KRT1: variants seen among roughly 807,000 people sequenced by gnomAD.
KRT1 encodes the protein keratin, type II cytoskeletal 1.
KRT1 carries 28 observed loss-of-function variants against 51.6 expected under a neutral mutation model. The ratio of observed to expected loss-of-function variants is 0.54; its 90% confidence interval spans 0.40 to 0.74. The LOEUF is 0.74. Among genes scored for constraint, KRT1 ranks in the 30% least tolerant of loss-of-function variants. The pLI is 0.00. For missense variants in KRT1, 783 were observed against 815.5 expected (o/e 0.96, Z 0.49); for synonymous variants, 301 against 307.7 (o/e 0.98, Z 0.23).
In KRT1 at chr12:52,678,700, C is replaced by T. The variant is rs761294081; in HGVS notation, c.648G>A (p.Gln216=). The change falls in exon 2 of 9, where the codon CAG becomes CAA. Residue 216 remains glutamine (Q), a synonymous_variant. Coordinates refer to ENST00000252244, the MANE Select transcript of KRT1 (RefSeq NM_006121.4). ...QVLQTKWELL[Q]QVDTSTRTHN... is the part of the protein sequence containing the mutation. The stretch of plus-strand genomic sequence containing the variant: ...GGGTTCTAGTGGAGGTATCTACCTG[C>T]TGCAGCAGCTCCCATTTTGTTTGCA... 1 of 1,614,174 alleles carries T rather than the reference C, an allele frequency of 6.2e-7. No homozygotes were observed. The highest frequency in any genetic ancestry group is 1.1e-5 in the South Asian group (1 of 91,074).
Position 52,675,104 on chromosome 12 carries a change from G to A in KRT1, c.*89C>T. 1 of 1,509,610 alleles carries A rather than the reference G, an allele frequency of 6.6e-7. No homozygotes were observed. Among genetic ancestry groups the A allele is most frequent in the Non-Finnish European group, 9.2e-7 (1 of 1,086,340 alleles). 93.5% of individuals were successfully genotyped at this position (1,509,610 alleles called of 1,614,324 possible). On this transcript the variant is annotated 3_prime_UTR_variant, in exon 9 of 9. Coordinates refer to ENST00000252244, the MANE Select transcript of KRT1 (RefSeq NM_006121.4). ...TAACCATAGCTCTTTTCTCCGGTAAGGCTGGGACAAATCGACCTCGGTCTT... is the reference window on the plus strand; with the variant it reads ...TAACCATAGCTCTTTTCTCCGGTAAAGCTGGGACAAATCGACCTCGGTCTT...
At position 52,678,689 on chromosome 12, in the gene KRT1, G is replaced by A. The variant is rs952884616; in HGVS notation, c.659C>T (p.Thr220Ile). The part of the protein sequence containing the change: ...TKWELLQQVD[T>I]STRTHNLEPY... ...CTCTAAATTATGGGTTCTAGTGGAGGTATCTACCTGCTGCAGCAGCTCCCA... is the reference window on the plus strand; with the variant it reads ...CTCTAAATTATGGGTTCTAGTGGAGATATCTACCTGCTGCAGCAGCTCCCA... The change falls in exon 2 of 9, where the codon ACC (threonine) becomes ATC (isoleucine). Residue 220 changes from threonine (T) to isoleucine (I), a missense_variant. Thr to Ile is a moderately conservative substitution (Grantham distance 89). Transcript: ENST00000252244. 1.9e-6 allele frequency: 3 copies of A among 1,614,210 alleles called. No individual in the cohort carries two copies. The highest frequency in any genetic ancestry group is 2.5e-6 in the Non-Finnish European group (3 of 1,180,038).
intron 4 of KRT1, 25 bp from the exon 5 acceptor site, chr12:52,677,505 C>T (rs777466645): frequency 5.0e-6 from 8 of 1,613,798 alleles, no homozygotes; most frequent in Non-Finnish European, 6.8e-6. Context: ...AGGTTAGTGA[C>T]TCTTACAGCA....
chr12:52,676,474 T>G lies in KRT1; in HGVS notation c.1276A>C (p.Ile426Leu). The G allele has an allele frequency of 6.2e-7, 1 of 1,614,226 alleles. No homozygotes were observed. The highest frequency in any genetic ancestry group is 8.5e-7 in the Non-Finnish European group (1 of 1,180,034). Residue 426 changes from isoleucine to leucine, a missense_variant, in exon 7 of 9, where the codon ATC becomes CTC. Transcript: ENST00000252244. ...KKQISNLQQS[I>L]SDAEQRGENA... The stretch of plus-strand genomic sequence containing the variant: ...TCGCCACGCTGCTCTGCATCACTGA[T>G]GGACTGCTGCAAGTTGGAGATCTGA...
chr12:52,676,285 C>A lies in KRT1; in HGVS notation c.1465G>T (p.Glu489Ter), dbSNP rs58773503. The A allele has an allele frequency of 6.2e-7, 1 of 1,613,922 alleles. No individual in the cohort carries two copies. Among genetic ancestry groups the A allele is most frequent in the Non-Finnish European group, 8.5e-7 (1 of 1,179,922 alleles). ...GCGTCCCTTCCTCACCTGCTTTCTTCTCCCTCCAGGAGGGTCCTGTAGGTG... is the reference window on the plus strand; with the variant it reads ...GCGTCCCTTCCTCACCTGCTTTCTTATCCCTCCAGGAGGGTCCTGTAGGTG... Reference protein sequence around the residue: ...IATYRTLLEGEESRMSGECAP... With the variant: ...IATYRTLLEG Residue 489 changes from glutamate to a stop codon, truncating the protein, a stop_gained, in exon 7 of 9, where the codon GAA becomes TAA. Transcript: ENST00000252244. LOFTEE classifies it low-confidence loss of function (END_TRUNC).
chr12:52,676,254 C>G, intron 7 of KRT1, 21 bp downstream of exon 7: 1 of 1,596,054 alleles, frequency 6.3e-7, no homozygotes, highest in Admixed American at 1.7e-5. Context: ...AGAGGTTCGA[C>G]TCCCAGCGTC....
intron 6 of KRT1, 64 bp downstream of exon 6, chr12:52,676,995 C>T (rs916901146): frequency 2.4e-5 from 39 of 1,595,822 alleles, no homozygotes; most frequent in Non-Finnish European, 1.6e-5. Context: ...GGAAAGCACT[C>T]GCCCTTTACC....
In KRT1 at chr12:52,675,694, A is replaced by T; in HGVS notation, c.1510+16T>A. On this transcript the variant is annotated intron_variant, in intron 8 of 8. Transcript: ENST00000252244. ...CAAAGCCTGCACATGCCCCTGAGAAATCGACTTGTACTTACACACACTCAC... is the reference window on the plus strand; with the variant it reads ...CAAAGCCTGCACATGCCCCTGAGAATTCGACTTGTACTTACACACACTCAC... 2 of 1,614,168 alleles carry T rather than the reference A, an allele frequency of 1.2e-6. No homozygotes were observed. Among genetic ancestry groups the T allele is most frequent in the Non-Finnish European group, 1.7e-6 (2 of 1,180,038 alleles).
rs1565646116 is a variant in KRT1 at position 52,675,283 on chromosome 12, G to A, written c.1845C>T (p.Gly615=). The A allele has an allele frequency of 6.2e-7, 1 of 1,613,622 alleles. No homozygotes were observed. Residue 615 remains glycine (G), a synonymous_variant, in exon 9 of 9, where the codon GGC becomes GGT. Transcript: ENST00000252244. ...GGGSSGGSIG[G]RGSSSGGVKS... is the part of the protein sequence containing the mutation. ...TGACACCCCCAGAGCTGGATCCCCG[G>A]CCTCCTATGGAGCCTCCAGAGCTCC...
At chr12:52,677,271 G>C (rs1941521045) in intron 5 of KRT1, 45 bp downstream of exon 5, 1 of 1,614,172 alleles carries the variant, frequency 6.2e-7, no homozygotes, top group Non-Finnish European at 8.5e-7. Context: ...AGGATAGCAA[G>C]ACAAGCCATT....
Position 52,680,134 on chromosome 12 carries a change from C to T in KRT1, c.215G>A (p.Gly72Asp), listed in dbSNP as rs1216084977. The T allele has an allele frequency of 1.3e-6, 2 of 1,581,978 alleles. No homozygotes were observed. ...CACACTTATGGAGATGCTTTTACTG[C>T]CACCAAGGTTAACAAGACTCCGACT... ...FGSRSLVNLG[G>D]SKSISISVAR... The change falls in exon 1 of 9, where the codon GGC (glycine) becomes GAC (aspartate). Residue 72 changes from glycine to aspartate, a missense_variant. Physicochemically the swap from Gly to Asp is moderately conservative, Grantham distance 94. Coordinates refer to ENST00000252244, the MANE Select transcript of KRT1 (RefSeq NM_006121.4).
intron 2 of KRT1, 127 bp downstream of exon 2, chr12:52,678,415 A>G: frequency 9.0e-7 from 1 of 1,112,812 alleles, no homozygotes; most frequent in East Asian, 2.4e-5. Flanking sequence ...ATTTCTGAAA[A>G]TGTCAAACTG....
chr12:52,677,014 A>AC lies in KRT1; in HGVS notation c.1254+44dup, dbSNP rs1941516202. On this transcript the variant is annotated intron_variant, in intron 6 of 8. Transcript: ENST00000252244. ...AGCACTCGCCCTTTACCTGAGGGTT[A>AC]CCCCCATTCCATACAGCTGAGTGGT... 5.6e-6 allele frequency: 9 copies of AC among 1,607,722 alleles called. No individual in the cohort carries two copies. The East Asian group carries it at 2.0e-4, about 36-fold the overall frequency.
rs1941544364 is a variant in KRT1, at chr12:52,678,673, A to G, written c.675T>C (p.His225=). The G allele has an allele frequency of 6.2e-7, 1 of 1,614,198 alleles. No individual in the cohort carries two copies. The highest frequency in any genetic ancestry group is 8.5e-7 in the Non-Finnish European group (1 of 1,180,040). Residue 225 remains histidine (H), a synonymous_variant, in exon 2 of 9, where the codon CAT becomes CAC. Coordinates refer to ENST00000252244, the MANE Select transcript of KRT1 (RefSeq NM_006121.4). The part of the protein sequence containing the change: ...LQQVDTSTRT[H]NLEPYFESFI... ...ATGACTCAAAGTAGGGCTCTAAATT[A>G]TGGGTTCTAGTGGAGGTATCTACCT...
chr12:52,676,518 C>T, intron 6 of KRT1, 23 bp from the exon 7 acceptor site: 2 of 1,612,042 alleles, frequency 1.2e-6, no homozygotes, highest in South Asian at 1.1e-5. Flanking sequence ...ATGACACCCT[C>T]TCATAATATG....
At position 52,677,120 on chromosome 12, in the gene KRT1, A is replaced by G; in HGVS notation, c.1193T>C (p.Ile398Thr). 1.2e-6 allele frequency: 2 copies of G among 1,614,094 alleles called. No homozygotes were observed. Among genetic ancestry groups the G allele is most frequent in the Non-Finnish European group, 1.7e-6 (2 of 1,180,038 alleles). Residue 398 changes from isoleucine to threonine, a missense_variant, in exon 6 of 9, where the codon ATT (isoleucine) becomes ACT (threonine). By Grantham distance (89) the Ile-to-Thr change is moderately conservative (BLOSUM62 -1). Coordinates refer to ENST00000252244, the MANE Select transcript of KRT1 (RefSeq NM_006121.4). ...CTGGATCACACGATTCAGCTCAGAAATTTCTATCTTTGAATTTCTCACACT... is the reference window on the plus strand; with the variant it reads ...CTGGATCACACGATTCAGCTCAGAAGTTTCTATCTTTGAATTTCTCACACT... ...GDSVRNSKIE[I>T]SELNRVIQRL... is the part of the protein sequence containing the mutation.
chr12:52,675,578 C>G lies in KRT1; in HGVS notation c.1550G>C (p.Ser517Thr). The G allele has an allele frequency of 6.2e-7, 1 of 1,614,224 alleles. No homozygotes were observed. Among genetic ancestry groups the G allele is most frequent in the Non-Finnish European group, 8.5e-7 (1 of 1,180,048 alleles). The change falls in exon 9 of 9, where the codon AGC (serine) becomes ACC (threonine). Residue 517 changes from serine (S) to threonine (T), a missense_variant. Coordinates refer to ENST00000252244, the MANE Select transcript of KRT1 (RefSeq NM_006121.4). Reference sequence around the variant, plus strand: ...GTAGCCACCGCCGCCACCTCCTCGGCTGCCACCTCCACTGATGGTGGTGTG... The same window carrying G: ...GTAGCCACCGCCGCCACCTCCTCGGGTGCCACCTCCACTGATGGTGGTGTG... Reference protein sequence around the residue: ...TSHTTISGGGSRGGGGGGYGS... With the variant: ...TSHTTISGGGTRGGGGGGYGS...
Position 52,675,755 on chromosome 12 carries a change from A to AT in KRT1, c.1476-12_1476-11insA. The AT allele has an allele frequency of 6.2e-7, 1 of 1,614,088 alleles. No individual in the cohort carries two copies. Among genetic ancestry groups the AT allele is most frequent in the Non-Finnish European group, 8.5e-7 (1 of 1,180,048 alleles). ...CATTCTCCAGACATCCTGTAGGAGAAAATAAGAAAATTCCTCAGGACACTC... is the reference window on the plus strand; with the variant it reads ...CATTCTCCAGACATCCTGTAGGAGAATAATAAGAAAATTCCTCAGGACACTC... On this transcript the variant is annotated splice_polypyrimidine_tract_variant and intron_variant, in intron 7 of 8. Transcript: ENST00000252244.
At chr12:52,677,249 A>G in intron 5 of KRT1, 65 bp from the exon 6 acceptor site, 3 of 1,614,148 alleles carry the variant, frequency 1.9e-6, no homozygotes, top group South Asian at 1.1e-5. Context: ...GCACACATAC[A>G]TGAGATAACA....
Sources: gnomAD v4.1 joint callset for allele counts on GRCh38, gnomAD v4.1.1 for gene constraint, MANE v1.5 for transcripts, NCBI Gene and HGNC (gene_info 2026-07-23, HGNC 2026-07-21) for gene names.